The following CARMIL2 variants were observed in gnomAD, a reference collection of about 807,000 sequenced individuals.
CARMIL2 encodes capping protein regulator and myosin 1 linker 2.
CARMIL2 carries 96 observed loss-of-function variants against 173.3 expected under a neutral mutation model. That is an observed-to-expected ratio of 0.55 (90% confidence interval 0.47 to 0.66). CARMIL2 has a LOEUF of 0.66. CARMIL2 is among the 30% of genes least tolerant of loss of function. The pLI is 0.00. For missense variants in CARMIL2, 1,771 were observed against 1,906.7 expected (o/e 0.93, Z 1.33); for synonymous variants, 830 against 817.1 (o/e 1.02, Z -0.27).
chr16:67,654,117 A>ACCCTGAC (rs772107917), intron 29 of CARMIL2, 32 bp from the exon 30 acceptor site: 2 of 1,366,294 alleles, frequency 1.5e-6, no homozygotes, highest in South Asian at 1.3e-5. Flanking sequence ...GTTGCACTCA[A>ACCCTGAC]CCCTGACCCC....
intron 22 of CARMIL2, 124 bp downstream of exon 22, chr16:67,650,274 A>G: frequency 1.4e-6 from 1 of 738,114 alleles, no homozygotes; most frequent in Non-Finnish European, 2.3e-6. Context: ...GCTGTCCCAC[A>G]CAAAGTCCCT....
rs1597758460 is a variant in CARMIL2 at position 67,654,679 on chromosome 16, C to T, written c.3569C>T (p.Ala1190Val). Reference protein sequence around the residue: ...LPAEEEATLGARPDKRRPLER... With the variant: ...LPAEEEATLGVRPDKRRPLER... ...GCCGAGGAGGAGGCAACGCTGGGTGCCAGACCCGACAAGGTGAGGCTTGCT... is the reference window on the plus strand; with the variant it reads ...GCCGAGGAGGAGGCAACGCTGGGTGTCAGACCCGACAAGGTGAGGCTTGCT... Residue 1190 changes from alanine to valine, a missense_variant, in exon 31 of 38, where the codon GCC becomes GTC. Transcript: ENST00000334583. 2 of 1,590,376 alleles carry T rather than the reference C, an allele frequency of 1.3e-6. No homozygotes were observed. The highest frequency in any genetic ancestry group is 1.7e-6 in the Non-Finnish European group (2 of 1,167,142).
In CARMIL2 at chr16:67,649,764, G is replaced by A; in HGVS notation, c.1920-42G>A. On this transcript the variant is annotated intron_variant, in intron 20 of 37. Transcript: ENST00000334583. The surrounding 1 kb of genome is among the most constrained non-coding windows in gnomAD (Gnocchi z 6.7). ...GACTAGGCCGAGGGTTGGGTGGGGCGTTGGGAAGCTCCGTCCCCGACTGAA... is the reference window on the plus strand; with the variant it reads ...GACTAGGCCGAGGGTTGGGTGGGGCATTGGGAAGCTCCGTCCCCGACTGAA... 1.9e-6 allele frequency: 3 copies of A among 1,593,310 alleles called. No homozygotes were observed. The highest frequency in any genetic ancestry group is 2.6e-6 in the Non-Finnish European group (3 of 1,168,248).
Position 67,651,478 on chromosome 16 carries a change from G to A in CARMIL2, c.2391G>A (p.Leu797=). ...WQLGQKLEGL[L]RQVGEVCRQD... is the part of the protein sequence containing the mutation. Reference sequence around the variant, plus strand: ...TTGGGCAGAAGCTGGAGGGCCTTCTGAGACAGGTGGGCGAGGTCTGCCGCC... The same window carrying A: ...TTGGGCAGAAGCTGGAGGGCCTTCTAAGACAGGTGGGCGAGGTCTGCCGCC... Residue 797 remains leucine (L), a synonymous_variant, in exon 24 of 38, where the codon CTG becomes CTA. Transcript: ENST00000334583. The surrounding 1 kb of genome is among the most constrained non-coding windows in gnomAD (Gnocchi z 4.2). 1 of 1,598,858 alleles carries A rather than the reference G, an allele frequency of 6.3e-7. No individual in the cohort carries two copies. Among genetic ancestry groups the A allele is most frequent in the Non-Finnish European group, 8.5e-7 (1 of 1,171,640 alleles).
chr16:67,650,137 A>G lies in CARMIL2; in HGVS notation c.2171A>G (p.Asp724Gly). 6.2e-7 allele frequency: 1 copy of G among 1,611,942 alleles called. No homozygotes were observed. Among genetic ancestry groups the G allele is most frequent in the African/African-American group, 1.3e-5 (1 of 74,878 alleles). ...CTTCAGCCACTTGGTCTGGTCTCAGACCCCTCAGAGCAGGTCAATGTCCCC... is the reference window on the plus strand; with the variant it reads ...CTTCAGCCACTTGGTCTGGTCTCAGGCCCCTCAGAGCAGGTCAATGTCCCC... ...TRLQPLGLVSDPSEQEVNELC... is the reference protein window; with the variant it reads ...TRLQPLGLVSGPSEQEVNELC... Residue 724 changes from aspartate (D) to glycine (G), a missense_variant, in exon 22 of 38, where the codon GAC (aspartate) becomes GGC (glycine). By Grantham distance (94) the Asp-to-Gly change is moderately conservative. Transcript: ENST00000334583.
chr16:67,647,452 C>T (rs1238497954), intron 10 of CARMIL2, 56 bp from the exon 11 acceptor site: 13 of 1,559,036 alleles, frequency 8.3e-6, no homozygotes, highest in Non-Finnish European at 1.1e-5. Flanking sequence ...GGCTAGTGGC[C>T]TGGGAGGGGT....
chr16:67,647,217 G>A, intron 9 of CARMIL2, 26 bp downstream of exon 9: 1 of 1,613,474 alleles, frequency 6.2e-7, no homozygotes, highest in South Asian at 1.1e-5. Flanking sequence ...GTAAGGGCAG[G>A]GAGGGGCCAA....
At position 67,652,925 on chromosome 16, in the gene CARMIL2, C is replaced by T; in HGVS notation, c.2885-94C>T. 2.4e-6 allele frequency: 1 copy of T among 414,124 alleles called. No homozygotes were observed. 25.7% of individuals were successfully genotyped at this position (414,124 alleles called of 1,614,324 possible). On this transcript the variant is annotated intron_variant, in intron 28 of 37. Transcript: ENST00000334583. This position sits in a 1 kb window ranked among gnomAD's most constrained non-coding sequence, Gnocchi z 4.7. ...GACGGGCGGCGTAGCCGGGCCCCTC[C>T]CCGCGCCCTGGGCGGGTCCCCCGCC... is the stretch of plus-strand genomic sequence containing the variant.
rs1051556198 is a variant in CARMIL2 at position 67,651,845 on chromosome 16, G to A, written c.2588G>A (p.Arg863Lys). Reference protein sequence around the residue: ...QLLQDAFTRLRDMRLSITGTL... With the variant: ...QLLQDAFTRLKDMRLSITGTL... Reference sequence around the variant, plus strand: ...CTGCAAGATGCCTTCACTAGGCTCAGGTAGGCTGGATGGGGCTGGGCTGGG... The same window carrying A: ...CTGCAAGATGCCTTCACTAGGCTCAAGTAGGCTGGATGGGGCTGGGCTGGG... The change falls in exon 25 of 38, where the codon AGG becomes AAG. Residue 863 changes from arginine to lysine, a missense_variant and splice_region_variant. Coordinates refer to ENST00000334583, the MANE Select transcript of CARMIL2 (RefSeq NM_001013838.3). This position sits in a 1 kb window ranked among gnomAD's most constrained non-coding sequence, Gnocchi z 4.2. 1.2e-6 allele frequency: 2 copies of A among 1,612,590 alleles called. No homozygotes were observed. The highest frequency in any genetic ancestry group is 2.7e-5 in the African/African-American group (2 of 74,930).
At position 67,649,044 on chromosome 16, in the gene CARMIL2, T is replaced by C. The variant is rs766532550; in HGVS notation, c.1592-32T>C. The C allele has an allele frequency of 6.0e-5, 97 of 1,605,880 alleles. No homozygotes were observed. The highest frequency in any genetic ancestry group is 7.7e-5 in the Non-Finnish European group (91 of 1,176,274). On this transcript the variant is annotated intron_variant, in intron 17 of 37. Coordinates refer to ENST00000334583, the MANE Select transcript of CARMIL2 (RefSeq NM_001013838.3). This position sits in a 1 kb window ranked among gnomAD's most constrained non-coding sequence, Gnocchi z 6.7. ...CCAATCCCCACCCTACCCTTGCAAC[T>C]TCGCCTCGTGCGTGACCCGAGTCAC...
chr16:67,650,124 G>A lies in CARMIL2; in HGVS notation c.2158G>A (p.Gly720Ser), dbSNP rs1363498328. 2 of 1,613,096 alleles carry A rather than the reference G, an allele frequency of 1.2e-6. No individual in the cohort carries two copies. The highest frequency in any genetic ancestry group is 1.3e-5 in the African/African-American group (1 of 75,020). ...CCACACGACCCGCCTTCAGCCACTT[G>A]GTCTGGTCTCAGACCCCTCAGAGCA... ...SDHTTRLQPL[G>S]LVSDPSEQEV... The change falls in exon 22 of 38, where the codon GGT (glycine) becomes AGT (serine). Residue 720 changes from glycine to serine, a missense_variant. By Grantham distance (56) the Gly-to-Ser change is moderately conservative (BLOSUM62 0). Coordinates refer to ENST00000334583, the MANE Select transcript of CARMIL2 (RefSeq NM_001013838.3).
At position 67,648,842 on chromosome 16, in the gene CARMIL2, A is replaced by T; in HGVS notation, c.1510-51A>T. 1 of 1,572,262 alleles carries T rather than the reference A, an allele frequency of 6.4e-7. No homozygotes were observed. The highest frequency in any genetic ancestry group is 8.6e-7 in the Non-Finnish European group (1 of 1,159,062). On this transcript the variant is annotated intron_variant, in intron 16 of 37. Transcript: ENST00000334583. The surrounding 1 kb of genome is among the most constrained non-coding windows in gnomAD (Gnocchi z 6.1). The stretch of plus-strand genomic sequence containing the variant: ...GGCCGTGGGCCGCCTGCCCCTCCCC[A>T]CTCGCGGCCTAAGTGGGTCCCACTT...
Position 67,648,901 on chromosome 16 carries a change from G to C in CARMIL2, c.1518G>C (p.Ser506=). The C allele has an allele frequency of 6.2e-7, 1 of 1,605,778 alleles. No homozygotes were observed. The highest frequency in any genetic ancestry group is 2.3e-5 in the East Asian group (1 of 44,330). ...HLDLSACELR[S]AGAQVIQDLV... ...CCACCTCCCACATACAGCTGCGCTC[G>C]GCCGGCGCCCAGGTGATACAAGACT... The change falls in exon 17 of 38, where the codon TCG becomes TCC. Residue 506 remains serine, a synonymous_variant. Transcript: ENST00000334583. This position sits in a 1 kb window ranked among gnomAD's most constrained non-coding sequence, Gnocchi z 6.1.
chr16:67,656,743 G>A (rs1400983961), intron 35 of CARMIL2, 58 bp from the exon 36 acceptor site: 2 of 1,555,358 alleles, frequency 1.3e-6, no homozygotes, highest in Non-Finnish European at 1.7e-6. Context: ...AGGGTGGGAG[G>A]CAAGGGCTGG....
rs768971366 is a variant in CARMIL2 at position 67,649,009 on chromosome 16, C to A, written c.1591+35C>A. The A allele has an allele frequency of 6.2e-7, 1 of 1,602,030 alleles. No homozygotes were observed. ...CAGGAGAGCCCATCCTCGCATCATC[C>A]ACTCGATTCCCAATCCCCACCCTAC... is the stretch of plus-strand genomic sequence containing the variant. On this transcript the variant is annotated intron_variant, in intron 17 of 37. Coordinates refer to ENST00000334583, the MANE Select transcript of CARMIL2 (RefSeq NM_001013838.3). The surrounding 1 kb of genome is among the most constrained non-coding windows in gnomAD (Gnocchi z 6.7).
In CARMIL2 at chr16:67,648,427, A is replaced by C; in HGVS notation, c.1364A>C (p.Gln455Pro). 1 of 1,515,392 alleles carries C rather than the reference A, an allele frequency of 6.6e-7. No individual in the cohort carries two copies. Among genetic ancestry groups the C allele is most frequent in the South Asian group, 1.2e-5 (1 of 82,030 alleles). The allele number at this position is 1,515,392 out of a possible 1,614,324, so 93.9% of individuals were successfully genotyped here. ...TCCCGCGCCGCGCCGGCCGCGCTGC[A>C]GCTCTTCCTCAGCCGCGCGCGGACG... ...TKSRAAPAAL[Q>P]LFLSRARTLR... The change falls in exon 15 of 38, where the codon CAG becomes CCG. Residue 455 changes from glutamine (Q) to proline (P), a missense_variant. Transcript: ENST00000334583. The surrounding 1 kb of genome is among the most constrained non-coding windows in gnomAD (Gnocchi z 6.1).
At position 67,648,019 on chromosome 16, in the gene CARMIL2, C is replaced by A. The variant is rs1233136595; in HGVS notation, c.1072-33C>A. 1.2e-6 allele frequency: 2 copies of A among 1,608,514 alleles called. No homozygotes were observed. Among genetic ancestry groups the A allele is most frequent in the Admixed American group, 3.4e-5 (2 of 59,348 alleles). On this transcript the variant is annotated intron_variant, in intron 13 of 37. Coordinates refer to ENST00000334583, the MANE Select transcript of CARMIL2 (RefSeq NM_001013838.3). The surrounding 1 kb of genome is among the most constrained non-coding windows in gnomAD (Gnocchi z 6.1). The stretch of plus-strand genomic sequence containing the variant: ...GCTCATAAGCCCTGGGTAGGCGATC[C>A]CCCACTCCATCGCACCCCTGTCCTC...
rs1597753598 is a variant in CARMIL2, at chr16:67,651,742, G to C, written c.2485G>C (p.Gly829Arg). 1 of 1,606,566 alleles carries C rather than the reference G, an allele frequency of 6.2e-7. No individual in the cohort carries two copies. The highest frequency in any genetic ancestry group is 1.7e-4 in the Middle Eastern group (1 of 6,038). Residue 829 changes from glycine (G) to arginine (R), a missense_variant, in exon 25 of 38, where the codon GGA becomes CGA. Around this residue, in one of 3 missense-constraint regions of CARMIL2, gnomAD observed 817 missense variants for 903.5 expected, o/e 0.90. Transcript: ENST00000334583. The surrounding 1 kb of genome is among the most constrained non-coding windows in gnomAD (Gnocchi z 4.2). Reference protein sequence around the residue: ...ARSLCPQMLQGSSWREQLEGV... With the variant: ...ARSLCPQMLQRSSWREQLEGV... ...GAGCCTCTGCCCACAGATGCTGCAG[G>C]GATCCAGCTGGAGGGAGCAGCTAGA...
At position 67,647,181 on chromosome 16, in the gene CARMIL2, A is replaced by T. The variant is rs777305293; in HGVS notation, c.677A>T (p.Asp226Val). Reference sequence around the variant, plus strand: ...TGGTTCCGGTGCCTCTCCTGTGTGGACATGAAGCTGGTGAGGGGGTTCGGG... The same window carrying T: ...TGGTTCCGGTGCCTCTCCTGTGTGGTCATGAAGCTGGTGAGGGGGTTCGGG... The part of the protein sequence containing the change: ...NLWFRCLSCV[D>V]MKLSLEVSEQ... The change falls in exon 9 of 38, where the codon GAC becomes GTC. Residue 226 changes from aspartate to valine, a missense_variant. By Grantham distance (152) the Asp-to-Val change is radical (BLOSUM62 -3). This residue lies in a region of CARMIL2 where 944 missense variants were observed against 975.6 expected (regional missense o/e 0.97). Transcript: ENST00000334583. The T allele has an allele frequency of 1.2e-6, 2 of 1,613,716 alleles. No individual in the cohort carries two copies. The highest frequency in any genetic ancestry group is 2.2e-5 in the South Asian group (2 of 91,086).
Sources: gnomAD v4.1 joint callset for allele counts on GRCh38, gnomAD v4.1.1 for gene constraint, gnomAD v4.1.1 regional missense constraint, Gnocchi (gnomAD v3.1) non-coding constraint, MANE v1.5 for transcripts, NCBI Gene and HGNC (gene_info 2026-07-23, HGNC 2026-07-21) for gene names.